The following RALYL variants were observed in gnomAD, a reference collection of about 807,000 sequenced individuals.
RALYL encodes RALY RNA binding protein like.
A neutral mutation model predicts 35.1 loss-of-function variants in RALYL; 29 were observed. The ratio of observed to expected loss-of-function variants is 0.83; its 90% CI spans 0.61 to 1.13. The LOEUF is 1.13. Ranked by LOEUF, RALYL falls within the 50% of genes most tolerant of loss-of-function variation. The pLI is 0.00. For synonymous variants in RALYL, 120 were observed against 127.6 expected, an observed-to-expected ratio of 0.94 and a Z score of 0.40; for missense variants, 359 against 360.4, an observed-to-expected ratio of 1.00 and a Z score of 0.03.
intron 1 of RALYL, among the ~76,000 whole-genome samples, chr8:84,197,114 A>G (rs1486653820): frequency 6.6e-6 from 1 of 152,222 alleles, no homozygotes; most frequent in East Asian, 1.9e-4. Flanking sequence ...AGAATGATAT[A>G]CTTAACATGT....
At chr8:84,669,442 G>A (rs1269087655) in intron 2 of RALYL, among the ~76,000 whole-genome samples, 1 of 146,902 alleles carries the variant, frequency 6.8e-6, no homozygotes, top group Admixed American at 6.9e-5. Flanking sequence ...AGTGAGCATA[G>A]TCCCCAGTAG....
intron 2 of RALYL, among the ~76,000 whole-genome samples, chr8:84,755,696 T>C (rs1563530321): frequency 2.0e-5 from 3 of 151,948 alleles, no homozygotes; most frequent in Non-Finnish European, 4.4e-5. Context: ...TTTAATCATA[T>C]ATATATTAAA....
At chr8:84,290,621 G>GA in intron 1 of RALYL, among the ~76,000 whole-genome samples, 1 of 152,188 alleles carries the variant, frequency 6.6e-6, no homozygotes, top group South Asian at 2.1e-4. Flanking sequence ...TTTTGTGGTG[G>GA]AATGTCATCA....
intron 1 of RALYL, among the ~76,000 whole-genome samples, chr8:84,454,960 T>C (rs1368692092): frequency 1.3e-5 from 2 of 152,090 alleles, no homozygotes; most frequent in East Asian, 3.9e-4. Context: ...AGAAAGACTA[T>C]ATCAATGCGT....
chr8:84,568,723 A>C (rs1807100220), intron 2 of RALYL, among the ~76,000 whole-genome samples: 1 of 132,886 alleles, frequency 7.5e-6, no homozygotes, highest in African/African-American at 2.9e-5. Context: ...TTGTTTCCTG[A>C]CTTTTTAATG....
chr8:84,492,554 T>G (rs187153730), intron 1 of RALYL, among the ~76,000 whole-genome samples: 294 of 152,216 alleles, frequency 1.9e-3, no homozygotes, highest in African/African-American at 6.7e-3. Context: ...ATGTGTGTAG[T>G]GCACTCATCA....
intron 1 of RALYL, among the ~76,000 whole-genome samples, chr8:84,195,382 G>T (rs975868058): frequency 6.6e-6 from 1 of 152,116 alleles, no homozygotes; most frequent in African/African-American, 2.4e-5. Flanking sequence ...AGAGGTTGCA[G>T]TGAGCCAAGA....
intron 1 of RALYL, among the ~76,000 whole-genome samples, chr8:84,331,358 A>C (rs1335799833): frequency 6.6e-6 from 1 of 152,146 alleles, no homozygotes; most frequent in Non-Finnish European, 1.5e-5. Context: ...CTTATGTTGT[A>C]CAATTATAAT....
chr8:84,268,085 T>C (rs1212590210), intron 1 of RALYL, among the ~76,000 whole-genome samples: 1 of 152,204 alleles, frequency 6.6e-6, no homozygotes, highest in African/African-American at 2.4e-5. Flanking sequence ...AAAACTACTT[T>C]GAATATCCCT....
intron 2 of RALYL, among the ~76,000 whole-genome samples, chr8:84,706,463 T>G (rs1402424162): frequency 6.6e-6 from 1 of 152,172 alleles, no homozygotes; most frequent in Admixed American, 6.5e-5. Flanking sequence ...TTCATCCAAT[T>G]TCAATTACAA....
chr8:84,818,452 A>G (rs752250609), intron 4 of RALYL, among the ~76,000 whole-genome samples: 10 of 152,196 alleles, frequency 6.6e-5, no homozygotes, highest in Non-Finnish European at 1.3e-4. Flanking sequence ...AGAATTCAAT[A>G]AGGAGCTATT....
At chr8:84,686,319 G>A (rs1389056224) in intron 2 of RALYL, among the ~76,000 whole-genome samples, 2 of 152,168 alleles carry the variant, frequency 1.3e-5, no homozygotes, top group Non-Finnish European at 2.9e-5. Context: ...AACATGCATA[G>A]AGGGGACCAA....
At chr8:84,192,886 AGTGT>A (rs758028998) in intron 1 of RALYL, among the ~76,000 whole-genome samples, 76 of 73,066 alleles carry the variant, frequency 1.0e-3, no homozygotes, top group African/African-American at 2.6e-3. Flanking sequence ...TGAGGGAGGG[AGTGT>A]GTGTGTGTGT....
At chr8:84,867,371 A>G (rs1246578271) in intron 6 of RALYL, among the ~76,000 whole-genome samples, 1 of 150,036 alleles carries the variant, frequency 6.7e-6, no homozygotes, top group African/African-American at 2.4e-5. Context: ...ATTCAAGTTA[A>G]TTATGCTTTG....
At chr8:84,703,464 G>T (rs1488702) in intron 2 of RALYL, among the ~76,000 whole-genome samples, 11,238 of 152,090 alleles carry the variant, frequency 0.074, 1,008 homozygotes, top group African/African-American at 0.21. Context: ...TGGATTTTAA[G>T]GTGTATAGGT....
Position 84,364,110 on chromosome 8 carries a change from T to G in RALYL, c.-23-165189T>G, listed in dbSNP as rs151165166. Among the ~76,000 whole-genome samples the G allele has an allele frequency of 1.2e-4, 19 of 152,186 alleles. No individual in the cohort carries two copies. The East Asian group carries it at 3.5e-3, about 28-fold the overall frequency. On this transcript the variant is annotated intron_variant, in intron 1 of 8. Coordinates refer to ENST00000521268, the MANE Select transcript of RALYL (RefSeq NM_173848.7). ...AGGGCCAGACATAAACCACAAATGT[T>G]AGACCAAAAAAGATGGTGGGATTGA...
intron 1 of RALYL, among the ~76,000 whole-genome samples, chr8:84,517,488 A>G (rs901859820): frequency 6.6e-6 from 1 of 152,202 alleles, no homozygotes; most frequent in African/African-American, 2.4e-5. Context: ...TGAGACCAAC[A>G]TGCTTACTTC....
chr8:84,830,019 G>T (rs945122461), intron 4 of RALYL, among the ~76,000 whole-genome samples: 23 of 30,966 alleles, frequency 7.4e-4, no homozygotes, highest in South Asian at 1.7e-3. Flanking sequence ...ACTATACTGG[G>T]GGGGGGGGGG....
intron 2 of RALYL, among the ~76,000 whole-genome samples, chr8:84,542,217 A>T (rs2060066220): frequency 6.6e-6 from 1 of 151,708 alleles, no homozygotes; most frequent in South Asian, 2.1e-4. Context: ...ATACCATTTT[A>T]CTTTTTTTAT....
Sources: allele counts gnomAD v4.1 joint callset (sites outside exome capture counted in the v4.1 genomes callset), GRCh38; gene constraint gnomAD v4.1.1; transcripts MANE v1.5; gene names NCBI Gene and HGNC (gene_info 2026-07-23, HGNC 2026-07-21).